SELENOF: variants seen among roughly 807,000 people sequenced by gnomAD.
The protein encoded by SELENOF is selenoprotein F.
A neutral mutation model predicts 20.5 loss-of-function variants in SELENOF; 16 were observed. That is an observed-to-expected ratio of 0.78 (90% CI 0.53 to 1.19). The LOEUF is 1.19. SELENOF is among the 50% of genes most tolerant of loss of function. The pLI is 0.00. For synonymous variants in SELENOF, 78 were observed against 74.5 expected, an observed-to-expected ratio of 1.05 and a Z score of -0.24; for missense variants, 215 against 194.2, an observed-to-expected ratio of 1.11 and a Z score of -0.64.
Position 86,900,201 on chromosome 1 carries a change from G to C in SELENOF, c.252+3080C>G, listed in dbSNP as rs552096640. Among the ~76,000 whole-genome samples the C allele has an allele frequency of 2.9e-4, 44 of 152,074 alleles. No homozygotes were observed. In the East Asian group the frequency reaches 8.5e-3, roughly 30 times the overall value. On this transcript the variant is annotated intron_variant, in intron 2 of 4. Coordinates refer to ENST00000331835, the MANE Select transcript of SELENOF (RefSeq NM_004261.5). ...TAGACGGGGTGGCGGCTGGGCAGAG[G>C]CTGCACTCTGGGCACTTTGGGAGGC... is the stretch of plus-strand genomic sequence containing the variant.
chr1:86,863,461 AT>A lies in SELENOF; in HGVS notation c.*12del. ...TAAGGTAACAAAAGGATAGGACAAA[AT>A]TTAAGCAAGATTTATATGCGTTCCA... On this transcript the variant is annotated 3_prime_UTR_variant, in exon 5 of 5. Transcript: ENST00000331835. 1 of 1,607,028 alleles carries A rather than the reference AT, an allele frequency of 6.2e-7. No homozygotes were observed.
Position 86,887,119 on chromosome 1 carries a change from C to T in SELENOF, c.253-6394G>A, listed in dbSNP as rs1264862423. 3 of 1,506,878 alleles carry T rather than the reference C, an allele frequency of 2.0e-6. No individual in the cohort carries two copies. In the Admixed American group the frequency reaches 6.9e-5, roughly 34 times the overall value. The allele number at this position is 1,506,878 out of a possible 1,614,324, so 93.3% of individuals were successfully genotyped here. On this transcript the variant is annotated intron_variant, in intron 2 of 4. Transcript: ENST00000331835. ...AATTTGCTGTTCATCTTCAAGTCTT[C>T]CCCATACTTTCTGATTAATGACACT...
At chr1:86,869,029 A>T (rs1449172862) in intron 3 of SELENOF, among the ~76,000 whole-genome samples, 1 of 152,214 alleles carries the variant, frequency 6.6e-6, no homozygotes, top group Non-Finnish European at 1.5e-5. Flanking sequence ...ATATAATTGA[A>T]GAAATGCCAT....
intron 2 of SELENOF, among the ~76,000 whole-genome samples, chr1:86,900,423 C>CA (rs35864715): frequency 6.6e-6 from 1 of 152,006 alleles, no homozygotes; most frequent in Non-Finnish European, 1.5e-5. Flanking sequence ...CCGTCTCCAC[C>CA]AAAAAAATAC....
chr1:86,891,428 G>A (rs1220158827), intron 2 of SELENOF, among the ~76,000 whole-genome samples: 1 of 152,136 alleles, frequency 6.6e-6, no homozygotes, highest in Non-Finnish European at 1.5e-5. Flanking sequence ...AATATTTAGT[G>A]TATAAATGGA....
chr1:86,910,602 G>GCTGAGGCAGGAGACTGGCTGGGAGT (rs1553128905), intron 1 of SELENOF, among the ~76,000 whole-genome samples: 12 of 152,060 alleles, frequency 7.9e-5, no homozygotes, highest in Admixed American at 7.2e-4. Context: ...TACTTGGGAG[G>GCTGAGGCAGGAGACTGGCTGGGAGT]CTGAGGCAGG....
intron 2 of SELENOF, among the ~76,000 whole-genome samples, chr1:86,881,623 T>C (rs999342887): frequency 6.6e-6 from 1 of 152,028 alleles, no homozygotes; most frequent in African/African-American, 2.4e-5. Flanking sequence ...CAGCATTTAC[T>C]TAATTAAAAA....
intron 2 of SELENOF, among the ~76,000 whole-genome samples, chr1:86,898,765 TTTG>T (rs1378089056): frequency 1.8e-5 from 2 of 111,062 alleles, no homozygotes; most frequent in Non-Finnish European, 4.1e-5. Flanking sequence ...GTATTTTTTT[TTTG>T]TTTGTTTGTT....
chr1:86,893,608 C>T (rs2102108909), intron 2 of SELENOF, among the ~76,000 whole-genome samples: 1 of 152,166 alleles, frequency 6.6e-6, no homozygotes, highest in South Asian at 2.1e-4. Context: ...CAGAGCAAGA[C>T]TGTCTCATAA....
chr1:86,869,184 A>G (rs1658689148), intron 3 of SELENOF, among the ~76,000 whole-genome samples: 1 of 152,188 alleles, frequency 6.6e-6, no homozygotes, highest in African/African-American at 2.4e-5. Context: ...ATTTAGCAAA[A>G]TCAACCAAGA....
intron 3 of SELENOF, among the ~76,000 whole-genome samples, chr1:86,870,170 C>T (rs1236646055): frequency 6.6e-6 from 1 of 152,186 alleles, no homozygotes; most frequent in South Asian, 2.1e-4. Context: ...TATAGTGACA[C>T]ACATGCTTTT....
intron 2 of SELENOF, among the ~76,000 whole-genome samples, chr1:86,884,350 C>T (rs754356996): frequency 1.2e-4 from 10 of 86,086 alleles, no homozygotes; most frequent in African/African-American, 1.6e-4. Flanking sequence ...CATACATACA[C>T]ACACACACAC....
chr1:86,874,136 T>A (rs968653938), intron 3 of SELENOF, among the ~76,000 whole-genome samples: 5 of 152,216 alleles, frequency 3.3e-5, no homozygotes, highest in Middle Eastern at 6.8e-3. Flanking sequence ...GCTAATTTTT[T>A]TTTTTTGTAT....
intron 1 of SELENOF, 109 bp downstream of exon 1, chr1:86,913,919 G>A (rs1660060511): frequency 9.8e-7 from 1 of 1,017,622 alleles, no homozygotes; most frequent in Non-Finnish European, 1.5e-6. Context: ...AGTCATTAAG[G>A]AAGCGCAGTC....
rs1659441922 is a variant in SELENOF, at chr1:86,893,516, GC to G, written c.252+9764del. 2.0e-5 allele frequency among the ~76,000 whole-genome samples: 3 copies of G among 151,668 alleles called. No individual in the cohort carries two copies. The South Asian group carries it at 6.3e-4, about 32-fold the overall frequency. ...ACCGGTAGTCCCAGCTACTCAGGAG[GC>G]TGAGGCTGGGGAATTGCTTGAAACC... is the stretch of plus-strand genomic sequence containing the variant. On this transcript the variant is annotated intron_variant, in intron 2 of 4. Transcript: ENST00000331835.
intron 2 of SELENOF, among the ~76,000 whole-genome samples, chr1:86,890,673 A>AT (rs1659359014): frequency 6.8e-6 from 1 of 146,412 alleles, no homozygotes; most frequent in Admixed American, 6.8e-5. Flanking sequence ...TTTTTTTTTA[A>AT]TTTTTTGTAG....
intron 1 of SELENOF, among the ~76,000 whole-genome samples, chr1:86,907,502 T>C (rs1041091676): frequency 6.6e-6 from 1 of 152,128 alleles, no homozygotes; most frequent in African/African-American, 2.4e-5. Flanking sequence ...TATATGAGAG[T>C]TTGATATTAT....
chr1:86,885,379 T>C (rs12082845), intron 2 of SELENOF, among the ~76,000 whole-genome samples: 16 of 140,860 alleles, frequency 1.1e-4, no homozygotes, highest in African/African-American at 3.8e-4. Context: ...AGCTGGTCTA[T>C]GCTGTTTCTC....
intron 2 of SELENOF, among the ~76,000 whole-genome samples, chr1:86,894,170 GTT>G (rs36023452): frequency 6.0e-5 from 8 of 132,604 alleles, no homozygotes; most frequent in Admixed American, 2.3e-4. Flanking sequence ...CAACCTGGAG[GTT>G]TTTTTTTTTT....
Sources: gnomAD v4.1 joint callset for allele counts (sites outside exome capture counted in the v4.1 genomes callset) on GRCh38, gnomAD v4.1.1 for gene constraint, MANE v1.5 for transcripts, NCBI Gene and HGNC (gene_info 2026-07-23, HGNC 2026-07-21) for gene names.